ATG2B: variants seen among roughly 807,000 people sequenced by gnomAD.
The protein encoded by ATG2B is autophagy related 2B.
A neutral mutation model predicts 241.3 loss-of-function variants in ATG2B; 121 were observed. That is an observed-to-expected ratio of 0.50 (90% CI 0.43 to 0.58). The LOEUF is 0.58. Ranked by LOEUF, ATG2B falls within the 20% of genes least tolerant of loss-of-function variation. ATG2B has a pLI of 0.00. For missense variants in ATG2B, 2,306 were observed against 2,491.6 expected (o/e 0.93, Z 1.59); for synonymous variants, 858 against 876.6 (o/e 0.98, Z 0.37).
intron 13 of ATG2B, 43 bp from the exon 14 acceptor site, chr14:96,328,578 A>T (rs770803715): frequency 6.4e-7 from 1 of 1,563,284 alleles, no homozygotes; most frequent in Admixed American, 2.0e-5. Flanking sequence ...CAATCACTAA[A>T]AACTACTATA....
At chr14:96,313,703 T>C (rs966763565) in intron 23 of ATG2B, among the ~76,000 whole-genome samples, 1 of 152,150 alleles carries the variant, frequency 6.6e-6, no homozygotes, top group African/African-American at 2.4e-5. Flanking sequence ...GTTATTCACC[T>C]TATATATAAT....
chr14:96,303,066 T>C lies in ATG2B; in HGVS notation c.5032A>G (p.Asn1678Asp), dbSNP rs202243671. 6.3e-7 allele frequency: 1 copy of C among 1,586,794 alleles called. No individual in the cohort carries two copies. Among genetic ancestry groups the C allele is most frequent in the African/African-American group, 1.4e-5 (1 of 73,942 alleles). The change falls in exon 33 of 42, where the codon AAC (asparagine) becomes GAC (aspartate). Residue 1678 changes from asparagine to aspartate, a missense_variant. Physicochemically the swap from Asn to Asp is conservative, Grantham distance 23. Transcript: ENST00000359933. ...SKEMPRKAHS[N>D]MLTVKALHVC... ...ACGATGAGGTTAACTCTTACCATGT[T>C]GGAGTGAGCTTTTCGAGGCATTTCT...
rs1886450467 is a variant in ATG2B at position 96,290,335 on chromosome 14, C to A, written c.5856+101G>T. On this transcript the variant is annotated intron_variant, in intron 40 of 41. Coordinates refer to ENST00000359933, the MANE Select transcript of ATG2B (RefSeq NM_018036.7). This position sits in a 1 kb window ranked among gnomAD's most constrained non-coding sequence, Gnocchi z 4.4. ...TCACTACGAATAAAGTATCTACTCACAACATTTTGTATATCTTCACAGTAT... is the reference window on the plus strand; with the variant it reads ...TCACTACGAATAAAGTATCTACTCAAAACATTTTGTATATCTTCACAGTAT... 1.4e-6 allele frequency: 2 copies of A among 1,438,176 alleles called. No individual in the cohort carries two copies. The highest frequency in any genetic ancestry group is 2.3e-5 in the East Asian group (1 of 43,586). 89.1% of individuals were successfully genotyped at this position (1,438,176 alleles called of 1,614,324 possible).
At chr14:96,323,736 TCA>T (rs1887516209) in intron 16 of ATG2B, among the ~76,000 whole-genome samples, 158 bp downstream of exon 16, 1 of 152,150 alleles carries the variant, frequency 6.6e-6, no homozygotes, top group Non-Finnish European at 1.5e-5. Context: ...GTGACACATC[TCA>T]CACATTCATG....
intron 38 of ATG2B, 101 bp downstream of exon 38, chr14:96,291,499 T>C: frequency 6.8e-6 from 5 of 736,424 alleles, no homozygotes; most frequent in Non-Finnish European, 1.1e-5. Flanking sequence ...AATAAAATAC[T>C]GTAAAATTGT....
chr14:96,346,934 T>C (rs1360112067), intron 2 of ATG2B, among the ~76,000 whole-genome samples: 2 of 152,208 alleles, frequency 1.3e-5, no homozygotes, highest in Non-Finnish European at 2.9e-5. Context: ...TCATTTTAGA[T>C]AACTGATAAC....
chr14:96,302,458 C>A (rs1330426127), intron 33 of ATG2B, among the ~76,000 whole-genome samples: 1 of 152,110 alleles, frequency 6.6e-6, no homozygotes, highest in Non-Finnish European at 1.5e-5. Flanking sequence ...TGGTGCACTG[C>A]CAGTAGTCCC....
chr14:96,337,275 C>A (rs1048264385), intron 6 of ATG2B, among the ~76,000 whole-genome samples: 1 of 152,144 alleles, frequency 6.6e-6, no homozygotes, highest in Non-Finnish European at 1.5e-5. Context: ...TTAATTAAAA[C>A]TACGTTTTAT....
chr14:96,358,555 A>T (rs1475385423), intron 1 of ATG2B, among the ~76,000 whole-genome samples: 1 of 152,252 alleles, frequency 6.6e-6, no homozygotes, highest in Non-Finnish European at 1.5e-5. Context: ...AGATGTTTAA[A>T]TAGGTTATAT....
chr14:96,306,491 T>C (rs1886951380), intron 30 of ATG2B, among the ~76,000 whole-genome samples: 1 of 152,058 alleles, frequency 6.6e-6, no homozygotes, highest in African/African-American at 2.4e-5. Flanking sequence ...AGTTCAATAA[T>C]CTATGTTGGA....
rs1044669803 is a variant in ATG2B at position 96,347,766 on chromosome 14, T to C, written c.163-425A>G. Among the ~76,000 whole-genome samples, 5 of 152,192 alleles carry C rather than the reference T, an allele frequency of 3.3e-5. No homozygotes were observed. In the East Asian group the frequency reaches 5.8e-4, roughly 18 times the overall value. ...TCACTGACCATCGGAGAAACACAAA[T>C]GAAAACTACAATGAGATATCATCTC... On this transcript the variant is annotated intron_variant, in intron 1 of 41. Transcript: ENST00000359933.
chr14:96,301,437 G>A (rs144956008), intron 34 of ATG2B, among the ~76,000 whole-genome samples: 9 of 152,314 alleles, frequency 5.9e-5, no homozygotes, highest in Non-Finnish European at 1.0e-4. Context: ...TTCTGGAAGA[G>A]GCACCAGCTA....
In ATG2B at chr14:96,311,178, C is replaced by A; in HGVS notation, c.4100G>T (p.Gly1367Val). The A allele has an allele frequency of 6.2e-7, 1 of 1,613,892 alleles. No individual in the cohort carries two copies. The highest frequency in any genetic ancestry group is 8.5e-7 in the Non-Finnish European group (1 of 1,179,878). Residue 1367 changes from glycine to valine, a missense_variant, in exon 28 of 42, where the codon GGT becomes GTT. Gly to Val is a moderately radical substitution (Grantham distance 109, BLOSUM62 -3). Transcript: ENST00000359933. ...MNLIQYIASY[G>V]DLQTPNKADM... ...TGCCTTGTTAGGTGTCTGCAAGTCA[C>A]CATAGCTTGCAATGTACTGAATGAG... is the stretch of plus-strand genomic sequence containing the variant.
At chr14:96,349,898 G>T (rs1396326250) in intron 1 of ATG2B, among the ~76,000 whole-genome samples, 1 of 152,108 alleles carries the variant, frequency 6.6e-6, no homozygotes, top group Non-Finnish European at 1.5e-5. Context: ...GGTGACTCAC[G>T]CCTTTAACTC....
chr14:96,333,848 A>G lies in ATG2B; in HGVS notation c.1047T>C (p.Ala349=). The change falls in exon 8 of 42, where the codon GCT becomes GCC. Residue 349 remains alanine, a synonymous_variant. Transcript: ENST00000359933. ...TGGGTCGATTTTTCCTATCTTTATT[A>G]GCTAACCCTATTTTGCTAGAATTTT... ...GPENSSKIGL[A]NKDRKNRPMQ... is the part of the protein sequence containing the mutation. 6.2e-7 allele frequency: 1 copy of G among 1,613,712 alleles called. No individual in the cohort carries two copies. Among genetic ancestry groups the G allele is most frequent in the South Asian group, 1.1e-5 (1 of 91,050 alleles).
At chr14:96,315,013 T>TA (rs1319528995) in intron 23 of ATG2B, 141 bp downstream of exon 23, 4 of 655,644 alleles carry the variant, frequency 6.1e-6, no homozygotes, top group African/African-American at 5.5e-5. Context: ...TTTCTTAACC[T>TA]AAAAGGTGGT....
chr14:96,363,122 G>A lies in ATG2B; in HGVS notation c.-146C>T. The A allele has an allele frequency of 9.2e-6, 8 of 871,052 alleles. No individual in the cohort carries two copies. The highest frequency in any genetic ancestry group is 1.7e-5 in the African/African-American group (1 of 58,502). The allele number at this position is 871,052 out of a possible 1,614,324, so 54.0% of individuals were successfully genotyped here. On this transcript the variant is annotated 5_prime_UTR_variant, in exon 1 of 42. Transcript: ENST00000359933. ...TTTGGTGCCGGGAGTCCCTCAGGGA[G>A]ACCCCATCGCCGGCGCCGCACCGCT...
chr14:96,313,219 A>T (rs1016138070), intron 24 of ATG2B, 62 bp from the exon 25 acceptor site: 17 of 1,283,152 alleles, frequency 1.3e-5, no homozygotes, highest in Non-Finnish European at 1.9e-5. Context: ...TCTATTAAAA[A>T]CAACAACAAC....
chr14:96,355,921 C>G (rs1168600352), intron 1 of ATG2B, among the ~76,000 whole-genome samples: 3 of 151,996 alleles, frequency 2.0e-5, no homozygotes, highest in Non-Finnish European at 4.4e-5. Context: ...CCTGTAATCC[C>G]AGCACTTTGA....
Sources: gnomAD v4.1 joint callset for allele counts (sites outside exome capture counted in the v4.1 genomes callset) on GRCh38, gnomAD v4.1.1 for gene constraint, Gnocchi (gnomAD v3.1) non-coding constraint, MANE v1.5 for transcripts, NCBI Gene and HGNC (gene_info 2026-07-23, HGNC 2026-07-21) for gene names.